Variants in SLC30A8 observed in about 807,000 individuals in gnomAD.
SLC30A8 encodes the protein proton-coupled zinc antiporter SLC30A8.
In SLC30A8, 27 loss-of-function variants were observed where a neutral mutation model predicts 36.9. The observed-to-expected ratio is 0.73, with a 90% CI of 0.54 to 1.01. The LOEUF is 1.01. SLC30A8 is among the 50% of genes least tolerant of loss of function. SLC30A8 has a pLI of 0.00. For synonymous variants in SLC30A8, 164 were observed against 172.4 expected (o/e 0.95, Z 0.38); for missense variants, 439 against 452.0 (o/e 0.97, Z 0.26).
At chr8:116,998,150 C>T (rs1815882538) in intron 1 of SLC30A8, among the ~76,000 whole-genome samples, 1 of 152,022 alleles carries the variant, frequency 6.6e-6, no homozygotes. Context: ...CTTGATGAAC[C>T]CAAACACATA....
At chr8:117,168,367 C>G (rs997235123) in intron 6 of SLC30A8, among the ~76,000 whole-genome samples, 2 of 152,062 alleles carry the variant, frequency 1.3e-5, no homozygotes, top group African/African-American at 4.8e-5. Flanking sequence ...AATATTATAT[C>G]TTATTGATTT....
chr8:117,128,252 T>C (rs1055043062), intron 2 of SLC30A8, among the ~76,000 whole-genome samples: 3 of 152,052 alleles, frequency 2.0e-5, no homozygotes, highest in African/African-American at 7.2e-5. Flanking sequence ...TACGGGGAAT[T>C]ATGGCACAGC....
chr8:117,074,387 A>G (rs1465169057), intron 2 of SLC30A8, among the ~76,000 whole-genome samples: 1 of 152,188 alleles, frequency 6.6e-6, no homozygotes, highest in Non-Finnish European at 1.5e-5. Context: ...TATGTTGTCT[A>G]GTTCCTAGTG....
At chr8:117,004,221 A>G (rs1360674844) in intron 1 of SLC30A8, among the ~76,000 whole-genome samples, 1 of 152,196 alleles carries the variant, frequency 6.6e-6, no homozygotes, top group Non-Finnish European at 1.5e-5. Flanking sequence ...TCTTCCAGAC[A>G]TCTCATCCTG....
chr8:117,119,729 G>A (rs1820609314), intron 2 of SLC30A8, among the ~76,000 whole-genome samples: 1 of 151,900 alleles, frequency 6.6e-6, no homozygotes, highest in Non-Finnish European at 1.5e-5. Flanking sequence ...TAGTACAGCA[G>A]TGCTATATTA....
At position 117,088,104 on chromosome 8, in the gene SLC30A8, A is replaced by G. The variant is rs1818953278; in HGVS notation, c.-225-47176A>G. Reference sequence around the variant, plus strand: ...AGAGAGAGAATGGAGGGAGAGAGAAAGAGAAACAAACAGAGAGAATGCATA... The same window carrying G: ...AGAGAGAGAATGGAGGGAGAGAGAAGGAGAAACAAACAGAGAGAATGCATA... On this transcript the variant is annotated intron_variant, in intron 2 of 10. Transcript: ENST00000427715. Among the ~76,000 whole-genome samples, 3 of 152,186 alleles carry G rather than the reference A, an allele frequency of 2.0e-5. No homozygotes were observed. The South Asian group carries it at 6.2e-4, about 32-fold the overall frequency.
At chr8:117,001,600 G>A (rs1013659436) in intron 1 of SLC30A8, among the ~76,000 whole-genome samples, 4 of 152,160 alleles carry the variant, frequency 2.6e-5, no homozygotes, top group African/African-American at 9.7e-5. Context: ...ATATTCAGGT[G>A]ACTAGAATAG....
chr8:117,151,289 C>T (rs1822176978), intron 2 of SLC30A8, among the ~76,000 whole-genome samples: 1 of 152,188 alleles, frequency 6.6e-6, no homozygotes, highest in African/African-American at 2.4e-5. Flanking sequence ...AAGGAGATCA[C>T]TGAAGAGAGG....
intron 1 of SLC30A8, among the ~76,000 whole-genome samples, chr8:116,965,911 T>C (rs1392842923): frequency 6.7e-6 from 1 of 148,412 alleles, no homozygotes; most frequent in Admixed American, 6.8e-5. Context: ...GGAGATGGAG[T>C]CTTGCTCTGT....
rs755062612 is a variant in SLC30A8 at position 117,175,390 on chromosome 8, G to T, written c.*2709G>T. 3.9e-5 allele frequency: 6 copies of T among 152,098 alleles called. No homozygotes were observed. Among genetic ancestry groups the T allele is most frequent in the African/African-American group, 1.2e-4 (5 of 41,426 alleles). The allele number at this position is 152,098 out of a possible 1,614,324, so 9.4% of individuals were successfully genotyped here. ...TGTGGTGATGTTAGGACCCATAAAA[G>T]AAATTTATGCCTTCCATATGTTTGG... On this transcript the variant is annotated 3_prime_UTR_variant, in exon 8 of 8. Transcript: ENST00000456015.
chr8:117,155,266 C>T (rs957853071), intron 3 of SLC30A8, among the ~76,000 whole-genome samples: 16 of 152,272 alleles, frequency 1.1e-4, no homozygotes, highest in African/African-American at 3.6e-4. Context: ...TTGAGCTTTA[C>T]CTCGCCAGCT....
chr8:117,003,117 T>G (rs1395334242), intron 1 of SLC30A8, among the ~76,000 whole-genome samples: 1 of 152,250 alleles, frequency 6.6e-6, no homozygotes. Flanking sequence ...TACTTTCTGC[T>G]GCAGCACTTC....
At chr8:117,135,903 A>C (rs1319556732) in intron 1 of SLC30A8, among the ~76,000 whole-genome samples, 1 of 151,906 alleles carries the variant, frequency 6.6e-6, no homozygotes, top group Non-Finnish European at 1.5e-5. Context: ...TTTCTTTTTA[A>C]TGTCTCCCAC....
intron 2 of SLC30A8, among the ~76,000 whole-genome samples, chr8:117,148,896 C>T (rs1586588255): frequency 1.3e-5 from 2 of 152,130 alleles, no homozygotes; most frequent in South Asian, 4.1e-4. Flanking sequence ...TCACTTTGTA[C>T]TCAATTATAT....
chr8:117,052,553 T>C (rs961439090), intron 2 of SLC30A8, among the ~76,000 whole-genome samples: 4 of 152,210 alleles, frequency 2.6e-5, no homozygotes, highest in African/African-American at 4.8e-5. Context: ...AACATGACCT[T>C]TTTTATCTTA....
At chr8:117,162,703 G>A (rs1481787479) in intron 5 of SLC30A8, among the ~76,000 whole-genome samples, 1 of 152,164 alleles carries the variant, frequency 6.6e-6, no homozygotes, top group African/African-American at 2.4e-5. Flanking sequence ...TGAGCAAAAT[G>A]ATCACTGAAA....
chr8:117,087,259 C>A (rs1429656574), intron 2 of SLC30A8, among the ~76,000 whole-genome samples: 2 of 152,110 alleles, frequency 1.3e-5, no homozygotes, highest in African/African-American at 4.8e-5. Flanking sequence ...GAAACCATTT[C>A]ATAGAGAGCC....
chr8:117,147,083 C>CTTG lies in SLC30A8; in HGVS notation c.201_202insTTG (p.Tyr67_Ala68insLeu). On this transcript the variant is annotated inframe_insertion, in exon 2 of 8. Coordinates refer to ENST00000456015, the MANE Select transcript of SLC30A8 (RefSeq NM_173851.3). Reference sequence around the variant, plus strand: ...CCACAGAAAAGGGGGCGAATGAGTACGCCTATGCCAAGTGGAAACTCTGTT... The same window carrying CTTG: ...CCACAGAAAAGGGGGCGAATGAGTACTTGGCCTATGCCAAGTGGAAACTCTGTT... 6.2e-7 allele frequency: 1 copy of CTTG among 1,614,124 alleles called. No homozygotes were observed. Among genetic ancestry groups the CTTG allele is most frequent in the Non-Finnish European group, 8.5e-7 (1 of 1,180,012 alleles).
rs935273641 is a variant in SLC30A8 at position 116,963,224 on chromosome 8, T to C, written c.-266+12105T>C. 5.3e-5 allele frequency among the ~76,000 whole-genome samples: 8 copies of C among 152,166 alleles called. No homozygotes were observed. In the East Asian group the frequency reaches 9.6e-4, roughly 18 times the overall value. ...CAGCTGTCAATAGCCCTCTTAGATT[T>C]TGAGCAGGACTATGGTTAAGCCCTT... On this transcript the variant is annotated intron_variant, in intron 1 of 10. Coordinates refer to the SLC30A8 transcript ENST00000427715.
Sources: gnomAD v4.1 joint callset for allele counts (sites outside exome capture counted in the v4.1 genomes callset) on GRCh38, gnomAD v4.1.1 for gene constraint, MANE v1.5 for transcripts, NCBI Gene and HGNC (gene_info 2026-07-23, HGNC 2026-07-21) for gene names.